The following VPS53 variants were observed in gnomAD, a reference collection of about 807,000 sequenced individuals.
The protein encoded by VPS53 is vacuolar protein sorting-associated protein 53 homolog.
Under a neutral mutation model 107.0 loss-of-function variants are expected in VPS53, and 70 were observed. That is an observed-to-expected ratio of 0.65 (90% CI 0.54 to 0.80). The LOEUF is 0.80. Ranked by LOEUF, VPS53 falls within the 30% of genes least tolerant of loss-of-function variation. The pLI is 0.00. For synonymous variants in VPS53, 409 were observed against 393.3 expected (o/e 1.04, Z -0.47); for missense variants, 917 against 1,049.4 (o/e 0.87, Z 1.74).
rs1482071678 is a variant in VPS53 at position 634,944 on chromosome 17, A to G, written c.609-3316T>C. ...GGTGGCTGGGTCAAATGGTATTTCT[A>G]GTTCTAGATCCTTGAGGAATCGCCA... On this transcript the variant is annotated intron_variant, in intron 7 of 21. Transcript: ENST00000437048. Among the ~76,000 whole-genome samples the G allele has an allele frequency of 2.6e-5, 4 of 151,968 alleles. No individual in the cohort carries two copies. In the East Asian group the frequency reaches 5.8e-4, roughly 22 times the overall value.
In VPS53 at chr17:518,352, C is replaced by T. The variant is rs1410274255; in HGVS notation, c.*776G>A. Reference sequence around the variant, plus strand: ...TGGTCTTTAAGGTCCATATTCTGTTCCTGAGGCATCCAGAACCCCAGACTC... The same window carrying T: ...TGGTCTTTAAGGTCCATATTCTGTTTCTGAGGCATCCAGAACCCCAGACTC... On this transcript the variant is annotated 3_prime_UTR_variant, in exon 22 of 22. Transcript: ENST00000437048. 6.6e-6 allele frequency: 1 copy of T among 152,172 alleles called. No homozygotes were observed. The highest frequency in any genetic ancestry group is 6.5e-5 in the Admixed American group (1 of 15,274). The allele number at this position is 152,172 out of a possible 1,614,324, so 9.4% of individuals were successfully genotyped here.
At chr17:581,713 C>T (rs946007228) in intron 13 of VPS53, among the ~76,000 whole-genome samples, 1 of 151,470 alleles carries the variant, frequency 6.6e-6, no homozygotes, top group Non-Finnish European at 1.5e-5. Flanking sequence ...CTAATGCGTT[C>T]CTAGAGAACT....
chr17:523,975 T>C lies in VPS53; in HGVS notation c.2086-2237A>G, dbSNP rs189710042. ...AAGCCTCTAAAGCATTCTAGGTGGA[T>C]TAAATTCTTAGATATAAAAAAGAAA... is the stretch of plus-strand genomic sequence containing the variant. On this transcript the variant is annotated intron_variant, in intron 19 of 21. Transcript: ENST00000437048. Among the ~76,000 whole-genome samples, 56 of 152,310 alleles carry C rather than the reference T, an allele frequency of 3.7e-4. No individual in the cohort carries two copies. In the East Asian group the frequency reaches 0.011, roughly 29 times the overall value.
rs1015323479 is a variant in VPS53 at position 551,742 on chromosome 17, G to A, written c.1866+130C>T. On this transcript the variant is annotated intron_variant, in intron 17 of 21. Transcript: ENST00000437048. ...TAACTGAGTGCTTTCAGGAACTCCG[G>A]GGCCTCTCCATTCTCCTCAGCTGAT... 3 of 707,128 alleles carry A rather than the reference G, an allele frequency of 4.2e-6. No individual in the cohort carries two copies. In the African/African-American group the frequency reaches 5.5e-5, roughly 13 times the overall value. The allele number at this position is 707,128 out of a possible 1,614,324, so 43.8% of individuals were successfully genotyped here. A position where few individuals can be genotyped will look rare whatever the true frequency, so the allele number is the denominator to read the frequency against.
At chr17:608,120 G>A (rs1051272876) in intron 11 of VPS53, among the ~76,000 whole-genome samples, 2 of 152,152 alleles carry the variant, frequency 1.3e-5, no homozygotes, top group African/African-American at 2.4e-5. Flanking sequence ...AGATGGCTGC[G>A]GGGCTTTAGC....
intron 4 of VPS53, among the ~76,000 whole-genome samples, chr17:669,436 T>TA (rs1218641325): frequency 6.6e-6 from 1 of 151,552 alleles, no homozygotes; most frequent in Non-Finnish European, 1.5e-5. Flanking sequence ...CTAAAAATAC[T>TA]AAAAAAATTA....
At chr17:566,988 G>A (rs1167286440) in intron 13 of VPS53, among the ~76,000 whole-genome samples, 5 of 151,910 alleles carry the variant, frequency 3.3e-5, no homozygotes, top group East Asian at 1.9e-4. Context: ...CCTAGTGATC[G>A]CCCGCCTCAG....
chr17:521,474 C>A, intron 20 of VPS53, 127 bp downstream of exon 20: 1 of 1,127,254 alleles, frequency 8.9e-7, no homozygotes, highest in East Asian at 3.1e-5. Flanking sequence ...AAATCCAGTC[C>A]AGCCCAAGAA....
chr17:631,457 G>T, intron 8 of VPS53, 93 bp downstream of exon 8: 2 of 1,335,324 alleles, frequency 1.5e-6, no homozygotes, highest in Non-Finnish European at 2.2e-6. Context: ...CAGCGAGCAT[G>T]ACTGGAATGA....
In VPS53 at chr17:562,763, A is replaced by T; in HGVS notation, c.1314-18T>A. 6.3e-7 allele frequency: 1 copy of T among 1,588,278 alleles called. No homozygotes were observed. The highest frequency in any genetic ancestry group is 8.6e-7 in the Non-Finnish European group (1 of 1,169,076). ...CGAGGTTCCTAGGAGGAAAAAAAAA[A>T]ACCAAAAATGTTATTTTACTTCAAG... On this transcript the variant is annotated intron_variant, in intron 13 of 21. Coordinates refer to ENST00000437048, the MANE Select transcript of VPS53 (RefSeq NM_001128159.3).
rs541128999 is a variant in VPS53, at chr17:714,750, A to C, written c.-41T>G. The C allele has an allele frequency of 1.9e-5, 30 of 1,608,744 alleles. No individual in the cohort carries two copies. The highest frequency in any genetic ancestry group is 1.7e-4 in the Middle Eastern group (1 of 6,060). On this transcript the variant is annotated 5_prime_UTR_variant, in exon 1 of 22. Coordinates refer to ENST00000437048, the MANE Select transcript of VPS53 (RefSeq NM_001128159.3). Reference sequence around the variant, plus strand: ...CCTGCCGACCCCCGCCGCGAGCCCAACTCAGGCCTCCAGCCGCCACCCAGG... The same window carrying C: ...CCTGCCGACCCCCGCCGCGAGCCCACCTCAGGCCTCCAGCCGCCACCCAGG...
At chr17:621,463 T>C (rs1248943436) in intron 11 of VPS53, among the ~76,000 whole-genome samples, 2 of 152,238 alleles carry the variant, frequency 1.3e-5, no homozygotes, top group African/African-American at 4.8e-5. Flanking sequence ...AATTGTTGCT[T>C]GACAGGACAT....
Position 628,244 on chromosome 17 carries a change from A to C in VPS53, c.688-13T>G. On this transcript the variant is annotated splice_polypyrimidine_tract_variant and intron_variant, in intron 8 of 21. Transcript: ENST00000437048. ...GTCCTCCTGGTCTCTAGTAAAACAA[A>C]CATGTACCAGGTGAAAAGCCAGAAA... The C allele has an allele frequency of 6.2e-7, 1 of 1,611,856 alleles. No individual in the cohort carries two copies. Among genetic ancestry groups the C allele is most frequent in the African/African-American group, 1.3e-5 (1 of 74,892 alleles).
intron 7 of VPS53, among the ~76,000 whole-genome samples, chr17:648,126 A>C (rs1970781115): frequency 6.6e-6 from 1 of 152,230 alleles, no homozygotes; most frequent in Admixed American, 6.5e-5. Flanking sequence ...AGGTTTCTCC[A>C]GGTCTGGCCC....
chr17:567,248 A>G (rs961970755), intron 13 of VPS53, among the ~76,000 whole-genome samples: 1 of 152,236 alleles, frequency 6.6e-6, no homozygotes, highest in African/African-American at 2.4e-5. Context: ...CTAAAGATCT[A>G]TACTTTGTAG....
At chr17:557,486 T>C (rs1043756451) in intron 15 of VPS53, among the ~76,000 whole-genome samples, 5 of 152,160 alleles carry the variant, frequency 3.3e-5, no homozygotes, top group African/African-American at 1.2e-4. Context: ...ACCCACTATA[T>C]CTCCCTGGGT....
chr17:568,258 T>C (rs146718268), intron 13 of VPS53, among the ~76,000 whole-genome samples: 1 of 152,120 alleles, frequency 6.6e-6, no homozygotes, highest in Admixed American at 6.5e-5. Context: ...TTATTTATTT[T>C]TTTATTTTTT....
At chr17:541,790 GT>G (rs1910698454) in intron 17 of VPS53, among the ~76,000 whole-genome samples, 1 of 145,206 alleles carries the variant, frequency 6.9e-6, no homozygotes, top group South Asian at 2.2e-4. Flanking sequence ...CTGAAGGAAC[GT>G]TTATCAAGCA....
At chr17:671,307 GAAAAAGAA>G (rs758394549) in intron 4 of VPS53, among the ~76,000 whole-genome samples, 8 of 135,362 alleles carry the variant, frequency 5.9e-5, no homozygotes, top group Non-Finnish European at 1.1e-4. Context: ...AGGGAGGAAG[GAAAAAGAA>G]AAAAAGAAAA....
Sources: allele counts gnomAD v4.1 joint callset (sites outside exome capture counted in the v4.1 genomes callset), GRCh38; gene constraint gnomAD v4.1.1; transcripts MANE v1.5; gene names NCBI Gene and HGNC (gene_info 2026-07-23, HGNC 2026-07-21).